The following OPN4 variants were observed in gnomAD, a reference collection of about 807,000 sequenced individuals.
The protein encoded by OPN4 is opsin 4.
In OPN4, 43 loss-of-function variants were observed where a neutral mutation model predicts 49.5. The ratio of observed to expected loss-of-function variants is 0.87; its 90% CI spans 0.68 to 1.12. The LOEUF is 1.12. Among genes scored for constraint, OPN4 ranks in the 50% most tolerant of loss-of-function variants. The probability of loss-of-function intolerance (pLI) is 0.00; values close to 1 mark genes in which losing one functional copy is unlikely to be tolerated. For missense variants in OPN4, 657 were observed against 643.9 expected (o/e 1.02, Z -0.22); for synonymous variants, 263 against 258.0 (o/e 1.02, Z -0.19).
chr10:86,654,728 G>C lies in OPN4; in HGVS notation c.-56G>C. ...AGGCTGAGCACAGCTGAAGTCCTGA[G>C]CTCCCTGTGCCCTTGACTTCTCTGT... On this transcript the variant is annotated 5_prime_UTR_variant, in exon 1 of 10. Transcript: ENST00000241891. 1.3e-6 allele frequency: 2 copies of C among 1,572,734 alleles called. No individual in the cohort carries two copies. Among genetic ancestry groups the C allele is most frequent in the Non-Finnish European group, 1.7e-6 (2 of 1,152,812 alleles).
rs1206050639 is a variant in OPN4 at position 86,659,448 on chromosome 10, G to A, written c.780G>A (p.Arg260=). Residue 260 remains arginine (R), a synonymous_variant, in exon 5 of 10, where the codon AGG becomes AGA. Transcript: ENST00000241891. ...IIIYCYIFIF[R]AIRETGRALQ... is the part of the protein sequence containing the mutation. ...TCTACTGCTACATCTTCATCTTCAG[G>A]GCCATCCGGGAGACAGGACGGTAAG... 1 of 1,614,006 alleles carries A rather than the reference G, an allele frequency of 6.2e-7. No homozygotes were observed. The highest frequency in any genetic ancestry group is 1.7e-5 in the Admixed American group (1 of 60,018).
At position 86,657,201 on chromosome 10, in the gene OPN4, G is replaced by A. The variant is rs779412409; in HGVS notation, c.291-831G>A. 6.4e-6 allele frequency: 5 copies of A among 780,744 alleles called. No homozygotes were observed. In the Admixed American group the frequency reaches 8.5e-5, roughly 13 times the overall value. 48.4% of individuals were successfully genotyped at this position (780,744 alleles called of 1,614,324 possible). A position where few individuals can be genotyped will look rare whatever the true frequency, so the allele number is the denominator to read the frequency against. ...TTTTCTTTCCGCAAAACAGAGCTGT[G>A]CTTCGTGGAGTCACTGTGATGATGC... is the stretch of plus-strand genomic sequence containing the variant. On this transcript the variant is annotated intron_variant, in intron 2 of 9. Transcript: ENST00000241891.
rs11202106 is a variant in OPN4 at position 86,654,813 on chromosome 10, G to C, written c.30G>C (p.Pro10=). Residue 10 remains proline, a synonymous_variant, in exon 1 of 10, where the codon CCG becomes CCC. Transcript: ENST00000241891. The part of the protein sequence containing the change: MNPPSGPRV[P]PSPTQEPSCM... ...ACCCTCCTTCGGGGCCAAGAGTCCCGCCCAGCCCAACCCAAGAGCCCAGCT... is the reference window on the plus strand; with the variant it reads ...ACCCTCCTTCGGGGCCAAGAGTCCCCCCCAGCCCAACCCAAGAGCCCAGCT... 0.011 allele frequency: 14,110 copies of C among 1,289,602 alleles called. No homozygotes were observed. Among genetic ancestry groups the C allele is most frequent in the Non-Finnish European group, 0.014 (12,391 of 917,640 alleles). The allele number at this position is 1,289,602 out of a possible 1,614,324, so 79.9% of individuals were successfully genotyped here.
Position 86,656,192 on chromosome 10 carries a change from C to T in OPN4, c.182C>T (p.Pro61Leu). 1 of 1,614,220 alleles carries T rather than the reference C, an allele frequency of 6.2e-7. No individual in the cohort carries two copies. Among genetic ancestry groups the T allele is most frequent in the Non-Finnish European group, 8.5e-7 (1 of 1,180,038 alleles). ...GTWAAAWVPLPTVDVPDHAHY... is the reference protein window; with the variant it reads ...GTWAAAWVPLLTVDVPDHAHY... ...TGGGCTGCTGCCTGGGTCCCCCTCCCCACGGTTGATGTTCCAGACCATGCC... is the reference window on the plus strand; with the variant it reads ...TGGGCTGCTGCCTGGGTCCCCCTCCTCACGGTTGATGTTCCAGACCATGCC... Residue 61 changes from proline to leucine, a missense_variant, in exon 2 of 10, where the codon CCC becomes CTC. By Grantham distance (98) the Pro-to-Leu change is moderately conservative. Transcript: ENST00000241891.
rs752640451 is a variant in OPN4 at position 86,663,717 on chromosome 10, G to A, written c.1313G>A (p.Arg438Gln). Reference protein sequence around the residue: ...VWGAAQQANGRSLYGQGLEDL... With the variant: ...VWGAAQQANGQSLYGQGLEDL... ...GGAGCTGCCCAGCAAGCAAATGGGCGGTCCCTCTACGGTCAGGGTCTGGAG... is the reference window on the plus strand; with the variant it reads ...GGAGCTGCCCAGCAAGCAAATGGGCAGTCCCTCTACGGTCAGGGTCTGGAG... Residue 438 changes from arginine (R) to glutamine (Q), a missense_variant, in exon 9 of 10, where the codon CGG (arginine) becomes CAG (glutamine). Arg to Gln is a conservative substitution (Grantham distance 43). Coordinates refer to ENST00000241891, the MANE Select transcript of OPN4 (RefSeq NM_033282.4). 4.4e-5 allele frequency: 69 copies of A among 1,577,454 alleles called. 1 individual carries two copies. The highest frequency in any genetic ancestry group is 3.4e-4 in the Middle Eastern group (2 of 5,970).
At chr10:86,659,585 G>T in intron 5 of OPN4, 117 bp downstream of exon 5, 2 of 1,345,502 alleles carry the variant, frequency 1.5e-6, no homozygotes, top group East Asian at 5.0e-5. Context: ...GTGGGTGAAG[G>T]CAAGCTGAGC....
At chr10:86,662,839 C>G (rs1844047090) in intron 8 of OPN4, among the ~76,000 whole-genome samples, 1 of 152,280 alleles carries the variant, frequency 6.6e-6, no homozygotes, top group South Asian at 2.1e-4. Context: ...TAAGCCCCCT[C>G]CTCCTGGGAG....
At chr10:86,660,618 G>A (rs1164520033) in intron 6 of OPN4, among the ~76,000 whole-genome samples, 2 of 152,208 alleles carry the variant, frequency 1.3e-5, no homozygotes, top group Admixed American at 6.5e-5. Flanking sequence ...CAATAGCCAG[G>A]GCAAGAGAGG....
rs779992510 is a variant in OPN4 at position 86,658,537 on chromosome 10, A to G, written c.478A>G (p.Thr160Ala). ...TCTCTTTGGCATTTCCTCCATGATC[A>G]CCCTGACGGCCATCGCCCTGGACCG... ...GALFGISSMITLTAIALDRYL... is the reference protein window; with the variant it reads ...GALFGISSMIALTAIALDRYL... Residue 160 changes from threonine to alanine, a missense_variant, in exon 4 of 10, where the codon ACC becomes GCC. Physicochemically the swap from Thr to Ala is moderately conservative, Grantham distance 58. Coordinates refer to ENST00000241891, the MANE Select transcript of OPN4 (RefSeq NM_033282.4). 6 of 1,613,920 alleles carry G rather than the reference A, an allele frequency of 3.7e-6. No individual in the cohort carries two copies. The African/African-American group carries it at 8.0e-5, about 22-fold the overall frequency.
intron 5 of OPN4, among the ~76,000 whole-genome samples, 195 bp downstream of exon 5, chr10:86,659,663 G>A (rs148938251): frequency 2.0e-3 from 310 of 152,346 alleles, no homozygotes; most frequent in East Asian, 5.4e-3. Context: ...CGGGCTTTTC[G>A]GCATGGCAGA....
intron 7 of OPN4, among the ~76,000 whole-genome samples, 188 bp downstream of exon 7, chr10:86,661,576 G>A (rs1844009028): frequency 6.6e-6 from 1 of 152,152 alleles, no homozygotes; most frequent in South Asian, 2.1e-4. Flanking sequence ...CAGCTTCCCA[G>A]GGGTCACGGT....
chr10:86,665,798 C>A lies in OPN4; in HGVS notation c.*47C>A, dbSNP rs2803554. The A allele has an allele frequency of 0.15, 224,372 of 1,472,850 alleles. 17,816 individuals are homozygous for A. Among genetic ancestry groups the A allele is most frequent in the Middle Eastern group, 0.19 (1,083 of 5,766 alleles). 91.2% of individuals were successfully genotyped at this position (1,472,850 alleles called of 1,614,324 possible). A position where few individuals can be genotyped will look rare whatever the true frequency, so the allele number is the denominator to read the frequency against. The stretch of plus-strand genomic sequence containing the variant: ...TCTTCTGAGACACATCCAGCCCCCC[C>A]ACGTCTCCCTCATATACACAGACCC... On this transcript the variant is annotated 3_prime_UTR_variant, in exon 10 of 10. Transcript: ENST00000241891.
rs113837105 is a variant in OPN4, at chr10:86,657,535, C to A, written c.291-497C>A. On this transcript the variant is annotated intron_variant, in intron 2 of 9. Coordinates refer to ENST00000241891, the MANE Select transcript of OPN4 (RefSeq NM_033282.4). ...GGAGGGAGAGTGGGAGGGGGACCCG[C>A]GGAGGAGGGAAGCGTGAGAAGCCAT... Among the ~76,000 whole-genome samples the A allele has an allele frequency of 1.9e-4, 29 of 152,034 alleles. 1 individual carries two copies. Among genetic ancestry groups the A allele is most frequent in the African/African-American group, 6.0e-4 (25 of 41,474 alleles).
chr10:86,665,988 C>T lies in OPN4; in HGVS notation c.*237C>T, dbSNP rs1164534386. On this transcript the variant is annotated 3_prime_UTR_variant, in exon 10 of 10. Coordinates refer to ENST00000241891, the MANE Select transcript of OPN4 (RefSeq NM_033282.4). Reference sequence around the variant, plus strand: ...TCAGCAGCCGCACCCGAGGCTCAGCCTGAGGGGTATGTGCCCAGGCCCTCC... The same window carrying T: ...TCAGCAGCCGCACCCGAGGCTCAGCTTGAGGGGTATGTGCCCAGGCCCTCC... 5.3e-6 allele frequency: 3 copies of T among 566,840 alleles called. No individual in the cohort carries two copies. Among genetic ancestry groups the T allele is most frequent in the Non-Finnish European group, 6.2e-6 (2 of 320,154 alleles). The allele number at this position is 566,840 out of a possible 1,614,324, so 35.1% of individuals were successfully genotyped here. A position where few individuals can be genotyped will look rare whatever the true frequency, so the allele number is the denominator to read the frequency against.
At chr10:86,659,226 C>A in intron 4 of OPN4, 71 bp from the exon 5 acceptor site, 2 of 1,292,470 alleles carry the variant, frequency 1.5e-6, no homozygotes, top group Non-Finnish European at 2.2e-6. Flanking sequence ...ATGCCACATA[C>A]AAAGCTCCTG....
chr10:86,663,987 T>C, intron 9 of OPN4, 185 bp downstream of exon 9: 1 of 661,276 alleles, frequency 1.5e-6, no homozygotes, highest in Non-Finnish European at 2.6e-6. Context: ...TCTGAGATGC[T>C]CTGAGCAGGG....
chr10:86,664,079 G>T, intron 9 of OPN4: 1 of 400,240 alleles, frequency 2.5e-6, no homozygotes, highest in South Asian at 4.2e-5. Flanking sequence ...CTGTGCTGTG[G>T]CATGATAAGA....
At chr10:86,662,868 A>G (rs932767523) in intron 8 of OPN4, among the ~76,000 whole-genome samples, 9 of 152,246 alleles carry the variant, frequency 5.9e-5, no homozygotes, top group African/African-American at 2.2e-4. Flanking sequence ...AGCTCACGGG[A>G]TGGGCATGGG....
rs948333241 is a variant in OPN4 at position 86,663,775 on chromosome 10, G to A, written c.1371G>A (p.Gln457=). The change falls in exon 9 of 10, where the codon CAG becomes CAA. Residue 457 remains glutamine (Q), a synonymous_variant. Coordinates refer to ENST00000241891, the MANE Select transcript of OPN4 (RefSeq NM_033282.4). ...DLEAKAPPRP[Q]GHEAETPGKT... is the part of the protein sequence containing the mutation. Reference sequence around the variant, plus strand: ...AAGCCAAGGCACCCCCCAGACCCCAGGGACACGAAGCAGAGACTCCAGGGA... The same window carrying A: ...AAGCCAAGGCACCCCCCAGACCCCAAGGACACGAAGCAGAGACTCCAGGGA... 5 of 1,557,062 alleles carry A rather than the reference G, an allele frequency of 3.2e-6. No individual in the cohort carries two copies. The highest frequency in any genetic ancestry group is 1.4e-5 in the African/African-American group (1 of 73,236).
Sources: allele counts gnomAD v4.1 joint callset (sites outside exome capture counted in the v4.1 genomes callset), GRCh38; gene constraint gnomAD v4.1.1; transcripts MANE v1.5; gene names NCBI Gene and HGNC (gene_info 2026-07-23, HGNC 2026-07-21).